The following TRDN variants were observed in gnomAD, a reference collection of about 807,000 sequenced individuals.
The protein encoded by TRDN is triadin.
A neutral mutation model predicts 149.7 loss-of-function variants in TRDN; 161 were observed. That is an observed-to-expected ratio of 1.08 (90% CI 0.95 to 1.23). The LOEUF (loss-of-function observed/expected upper bound fraction) is 1.23, where lower values mean the gene tolerates loss of function less well. Among genes scored for constraint, TRDN ranks in the 50% most tolerant of loss-of-function variants. TRDN has a pLI of 0.00. For missense variants in TRDN, 896 were observed against 823.5 expected (o/e 1.09, Z -1.08); for synonymous variants, 294 against 250.5 (o/e 1.17, Z -1.64).
chr6:123,260,958 A>T (rs1427782810), intron 33 of TRDN, among the ~76,000 whole-genome samples: 2 of 151,798 alleles, frequency 1.3e-5, no homozygotes, highest in Non-Finnish European at 2.9e-5. Flanking sequence ...TACAGTTATC[A>T]TTAATTTAGT....
chr6:123,577,957 T>C (rs2114566218), intron 1 of TRDN, among the ~76,000 whole-genome samples: 1 of 152,314 alleles, frequency 6.6e-6, no homozygotes, highest in South Asian at 2.1e-4. Flanking sequence ...TCTTTTCATG[T>C]CCTTTGCCCA....
chr6:123,531,925 A>T (rs1780271878), intron 4 of TRDN, among the ~76,000 whole-genome samples: 1 of 152,014 alleles, frequency 6.6e-6, no homozygotes, highest in Admixed American at 6.6e-5. Context: ...TACCTTTTAG[A>T]TGCCAGTAGC....
intron 38 of TRDN, among the ~76,000 whole-genome samples, chr6:123,237,722 A>G (rs1775841691): frequency 6.6e-6 from 1 of 152,194 alleles, no homozygotes; most frequent in African/African-American, 2.4e-5. Context: ...AATGGAAAAG[A>G]CAATATTTTG....
chr6:123,473,185 G>A (rs1367214486), intron 9 of TRDN, among the ~76,000 whole-genome samples: 1 of 151,946 alleles, frequency 6.6e-6, no homozygotes, highest in Non-Finnish European at 1.5e-5. Flanking sequence ...CAAAGAAGTT[G>A]AAAACTTTGA....
At chr6:123,448,993 C>T (rs570746225) in intron 10 of TRDN, among the ~76,000 whole-genome samples, 161 of 152,210 alleles carry the variant, frequency 1.1e-3, no homozygotes, top group African/African-American at 3.7e-3. Context: ...GTTTGGCTCA[C>T]AGGAAGCCAC....
At chr6:123,488,093 A>G (rs1341186075) in intron 9 of TRDN, among the ~76,000 whole-genome samples, 1 of 152,130 alleles carries the variant, frequency 6.6e-6, no homozygotes, top group Non-Finnish European at 1.5e-5. Flanking sequence ...TGCAGAAGAT[A>G]TTTAATATTT....
At chr6:123,627,648 G>A (rs566957379) in intron 1 of TRDN, among the ~76,000 whole-genome samples, 2 of 152,290 alleles carry the variant, frequency 1.3e-5, no homozygotes, top group Middle Eastern at 3.4e-3. Flanking sequence ...TTTGGAGCCA[G>A]GCATTGACTT....
At chr6:123,266,644 T>TATAA (rs1562237725) in intron 32 of TRDN, among the ~76,000 whole-genome samples, 2,253 of 24,360 alleles carry the variant, frequency 0.092, 943 homozygotes, top group Middle Eastern at 0.14. Flanking sequence ...ATGTATTATA[T>TATAA]TATAATAATA....
chr6:123,376,518 G>T (rs1041802007), intron 18 of TRDN, among the ~76,000 whole-genome samples: 14 of 152,096 alleles, frequency 9.2e-5, no homozygotes, highest in African/African-American at 3.4e-4. Context: ...TAGGTGCTCT[G>T]GGAATAAAGA....
intron 1 of TRDN, among the ~76,000 whole-genome samples, chr6:123,588,976 C>T (rs1783649243): frequency 6.6e-6 from 1 of 152,080 alleles, no homozygotes; most frequent in Admixed American, 6.6e-5. Flanking sequence ...TGTCAGAGGG[C>T]ACTATGTACA....
chr6:123,422,488 G>C (rs1773948536), intron 12 of TRDN, among the ~76,000 whole-genome samples: 1 of 152,098 alleles, frequency 6.6e-6, no homozygotes, highest in African/African-American at 2.4e-5. Context: ...TTCAGAGAGA[G>C]AGCCATGATA....
intron 21 of TRDN, chr6:123,351,298 TACA>T: frequency 1.1e-6 from 1 of 952,350 alleles, no homozygotes; most frequent in Non-Finnish European, 1.3e-6. Context: ...GTTTGCCCTA[TACA>T]ACATCTTCTC....
chr6:123,225,918 T>C (rs1036226075), intron 38 of TRDN, among the ~76,000 whole-genome samples: 16 of 151,754 alleles, frequency 1.1e-4, no homozygotes, highest in African/African-American at 3.9e-4. Context: ...TGAAAGAAGG[T>C]CAGTTTTGTC....
At chr6:123,524,463 T>G (rs1779843704) in intron 5 of TRDN, among the ~76,000 whole-genome samples, 1 of 152,110 alleles carries the variant, frequency 6.6e-6, no homozygotes, top group African/African-American at 2.4e-5. Context: ...ACTCAGGATA[T>G]TCATGACATT....
intron 9 of TRDN, 44 bp from the exon 10 acceptor site, chr6:123,465,027 C>G (rs1206440501): frequency 1.5e-5 from 23 of 1,534,670 alleles, no homozygotes; most frequent in Non-Finnish European, 2.0e-5. Flanking sequence ...AAAGTATTAA[C>G]AAATCTAATA....
intron 19 of TRDN, among the ~76,000 whole-genome samples, chr6:123,372,875 T>C (rs1434024280): frequency 6.6e-6 from 1 of 152,064 alleles, no homozygotes; most frequent in Admixed American, 6.6e-5. Context: ...GGAATGTAGG[T>C]AGGGGAGGTG....
chr6:123,542,890 G>C (rs1037594208), intron 4 of TRDN, among the ~76,000 whole-genome samples: 2 of 150,060 alleles, frequency 1.3e-5, no homozygotes. Context: ...GTGTGTGTCT[G>C]TCTGTCTGTC....
At chr6:123,330,534 C>T (rs1388222314) in intron 23 of TRDN, among the ~76,000 whole-genome samples, 3 of 151,954 alleles carry the variant, frequency 2.0e-5, no homozygotes, top group Admixed American at 6.6e-5. Context: ...CAGCAATAAA[C>T]TAACTCTCTC....
chr6:123,381,911 A>G (rs188662640), intron 15 of TRDN, among the ~76,000 whole-genome samples: 46 of 151,544 alleles, frequency 3.0e-4, no homozygotes, highest in African/African-American at 1.0e-3. Flanking sequence ...TATTTCCATT[A>G]CTGCGAAATA....
Sources: gnomAD v4.1 joint callset for allele counts (sites outside exome capture counted in the v4.1 genomes callset) on GRCh38, gnomAD v4.1.1 for gene constraint, MANE v1.5 for transcripts, NCBI Gene and HGNC (gene_info 2026-07-23, HGNC 2026-07-21) for gene names.